Variants in COL22A1 observed in about 807,000 individuals in gnomAD.
The protein encoded by COL22A1 is collagen alpha-1(XXII) chain.
COL22A1 carries 221 observed loss-of-function variants against 248.9 expected under a neutral mutation model. The ratio of observed to expected loss-of-function variants is 0.89; its 90% CI spans 0.80 to 0.99. The LOEUF (loss-of-function observed/expected upper bound fraction) is 0.99. Ranked by LOEUF, COL22A1 falls within the 50% of genes least tolerant of loss-of-function variation. The pLI is 0.00. For synonymous variants in COL22A1, 891 were observed against 793.4 expected, an observed-to-expected ratio of 1.12 and a Z score of -2.07; for missense variants, 2,240 against 2,179.0, an observed-to-expected ratio of 1.03 and a Z score of -0.56.
chr8:138,802,772 G>A, intron 11 of COL22A1, 100 bp downstream of exon 11: 3 of 905,864 alleles, frequency 3.3e-6, no homozygotes, highest in Non-Finnish European at 5.6e-6. Context: ...CCCCTGCCAG[G>A]TATTCAGCCC....
chr8:138,614,233 CTCTT>C (rs1819130604), intron 55 of COL22A1, among the ~76,000 whole-genome samples: 1 of 152,294 alleles, frequency 6.6e-6, no homozygotes, highest in Admixed American at 6.5e-5. Flanking sequence ...GAGAGAATCT[CTCTT>C]GAAGTTCTTT....
intron 16 of COL22A1, among the ~76,000 whole-genome samples, chr8:138,767,668 A>G (rs1351673377): frequency 1.3e-5 from 2 of 152,144 alleles, no homozygotes; most frequent in Non-Finnish European, 2.9e-5. Context: ...TATTGTTCCC[A>G]TTTTCACGGC....
At chr8:138,859,666 C>A (rs909595303) in intron 3 of COL22A1, among the ~76,000 whole-genome samples, 3 of 152,132 alleles carry the variant, frequency 2.0e-5, no homozygotes, top group African/African-American at 7.2e-5. Flanking sequence ...CGCCACCCCC[C>A]CACACACTTA....
Position 138,704,625 on chromosome 8 carries a change from T to A in COL22A1, c.2518-1278A>T, listed in dbSNP as rs533951782. On this transcript the variant is annotated intron_variant, in intron 30 of 64. Coordinates refer to ENST00000303045, the MANE Select transcript of COL22A1 (RefSeq NM_152888.3). ...CATCCACACCAACCCCATCTGTACA[T>A]CACCATCATCAAAGACCAAAGGTAG... is the stretch of plus-strand genomic sequence containing the variant. 1.3e-3 allele frequency among the ~76,000 whole-genome samples: 204 copies of A among 152,118 alleles called. 2 individuals carry two copies. The highest frequency in any genetic ancestry group is 4.8e-3 in the African/African-American group (198 of 41,532).
At chr8:138,659,886 C>T (rs1396249400) in intron 44 of COL22A1, among the ~76,000 whole-genome samples, 3 of 152,196 alleles carry the variant, frequency 2.0e-5, no homozygotes, top group African/African-American at 7.2e-5. Context: ...CCATGTTAAA[C>T]AGATGGCAAC....
At chr8:138,609,914 C>G (rs1055748678) in intron 56 of COL22A1, among the ~76,000 whole-genome samples, 8 of 152,184 alleles carry the variant, frequency 5.3e-5, no homozygotes, top group African/African-American at 1.9e-4. Context: ...CTCGCCAAGC[C>G]CCTTGGATCT....
rs556718826 is a variant in COL22A1, at chr8:138,783,256, G to A, written c.1597-2276C>T. Among the ~76,000 whole-genome samples, 7 of 152,122 alleles carry A rather than the reference G, an allele frequency of 4.6e-5. No individual in the cohort carries two copies. In the East Asian group the frequency reaches 7.7e-4, roughly 17 times the overall value. On this transcript the variant is annotated intron_variant, in intron 12 of 64. Coordinates refer to ENST00000303045, the MANE Select transcript of COL22A1 (RefSeq NM_152888.3). ...TTTTCTATAAAATGGGGACAATCACGGTGTATTAGGGTTTTCTAGAGGGAC... is the reference window on the plus strand; with the variant it reads ...TTTTCTATAAAATGGGGACAATCACAGTGTATTAGGGTTTTCTAGAGGGAC...
In COL22A1 at chr8:138,877,807, A is replaced by G; in HGVS notation, c.601T>C (p.Ser201Pro). ...ATCTTGTCGATGGCATTGAAGTCGG[A>G]CACGTGGAAGACGTGGGCGGACTTG... ...EPKSAHVFHV[S>P]DFNAIDKIRG... The change falls in exon 3 of 65, where the codon TCC becomes CCC. Residue 201 changes from serine to proline, a missense_variant. Transcript: ENST00000303045. The G allele has an allele frequency of 1.2e-6, 2 of 1,610,894 alleles. No individual in the cohort carries two copies. Among genetic ancestry groups the G allele is most frequent in the African/African-American group, 1.3e-5 (1 of 74,926 alleles).
At chr8:138,590,040 A>G (rs1816903839) in intron 64 of COL22A1, among the ~76,000 whole-genome samples, 1 of 152,072 alleles carries the variant, frequency 6.6e-6, no homozygotes, top group South Asian at 2.1e-4. Flanking sequence ...AAAATAGTCC[A>G]AAATTGAGAC....
At chr8:138,750,980 A>T (rs77031409) in intron 22 of COL22A1, among the ~76,000 whole-genome samples, 1,963 of 144,100 alleles carry the variant, frequency 0.014, 48 homozygotes, top group African/African-American at 0.047. Context: ...TGGTGTGCAC[A>T]ATCTAGATAG....
At chr8:138,664,439 G>C (rs916973943) in intron 41 of COL22A1, among the ~76,000 whole-genome samples, 2 of 152,076 alleles carry the variant, frequency 1.3e-5, no homozygotes, top group Admixed American at 6.5e-5. Flanking sequence ...GCTTTGCGAT[G>C]CTTGTGCATT....
chr8:138,688,789 T>C, intron 37 of COL22A1, 128 bp downstream of exon 37: 2 of 745,792 alleles, frequency 2.7e-6, no homozygotes, highest in Non-Finnish European at 4.8e-6. Context: ...TTCCTCTCCC[T>C]CCTACTTAGT....
chr8:138,891,814 C>A (rs1825092702), intron 1 of COL22A1, among the ~76,000 whole-genome samples: 1 of 152,178 alleles, frequency 6.6e-6, no homozygotes, highest in African/African-American at 2.4e-5. Context: ...ATGCGTCATC[C>A]AGTTTACAAG....
rs773285089 is a variant in COL22A1, at chr8:138,685,211, C to G, written c.2964G>C (p.Glu988Asp). Residue 988 changes from glutamate (E) to aspartate (D), a missense_variant, in exon 38 of 65, where the codon GAG becomes GAC. By Grantham distance (45) the Glu-to-Asp change is conservative. Transcript: ENST00000303045. ...PGPPGKGKDG[E>D]PGLRGSPGLP... Reference sequence around the variant, plus strand: ...GGACCCCCGACCTTCCACTTACCGGCTCTCCATCCTTCCCTTTTCCGGGTG... The same window carrying G: ...GGACCCCCGACCTTCCACTTACCGGGTCTCCATCCTTCCCTTTTCCGGGTG... The G allele has an allele frequency of 1.2e-6, 2 of 1,608,036 alleles. No individual in the cohort carries two copies. Among genetic ancestry groups the G allele is most frequent in the Admixed American group, 1.7e-5 (1 of 59,562 alleles).
chr8:138,888,332 T>C (rs1166779967), intron 1 of COL22A1, among the ~76,000 whole-genome samples: 1 of 152,084 alleles, frequency 6.6e-6, no homozygotes, highest in Non-Finnish European at 1.5e-5. Flanking sequence ...ACCTGACTAT[T>C]TCAGGGGAAG....
chr8:138,737,514 A>C lies in COL22A1; in HGVS notation c.2139+10T>G. On this transcript the variant is annotated intron_variant, in intron 23 of 64. Transcript: ENST00000303045. ...GCGTTGCTATGGAAGAGAATGTAAA[A>C]GGTAGTTACCTGCAGCCCCAGCAAT... The C allele has an allele frequency of 6.3e-7, 1 of 1,592,276 alleles. No individual in the cohort carries two copies. Among genetic ancestry groups the C allele is most frequent in the Non-Finnish European group, 8.6e-7 (1 of 1,160,216 alleles).
intron 6 of COL22A1, among the ~76,000 whole-genome samples, chr8:138,822,381 T>C (rs1819219008): frequency 6.6e-6 from 1 of 152,176 alleles, no homozygotes; most frequent in Non-Finnish European, 1.5e-5. Flanking sequence ...TAAATGATTA[T>C]GTTCTCATCC....
At chr8:138,751,431 A>G (rs1375439548) in intron 22 of COL22A1, 27 bp downstream of exon 22, 2 of 1,577,120 alleles carry the variant, frequency 1.3e-6, no homozygotes, top group African/African-American at 2.7e-5. Flanking sequence ...GAGCTGAGGA[A>G]TCACAAAGAA....
rs76234411 is a variant in COL22A1, at chr8:138,723,818, G to A, written c.2247+797C>T. ...CTGGGGAGGACGCTGGTGTTACCAC[G>A]ACCACAGGCCCCCTGGGCGCCTTGA... On this transcript the variant is annotated intron_variant, in intron 25 of 64. Coordinates refer to ENST00000303045, the MANE Select transcript of COL22A1 (RefSeq NM_152888.3). Among the ~76,000 whole-genome samples the A allele has an allele frequency of 1.2e-4, 19 of 152,314 alleles. No individual in the cohort carries two copies. The East Asian group carries it at 2.1e-3, about 17-fold the overall frequency.
Sources: allele counts gnomAD v4.1 joint callset (sites outside exome capture counted in the v4.1 genomes callset), GRCh38; gene constraint gnomAD v4.1.1; transcripts MANE v1.5; gene names NCBI Gene and HGNC (gene_info 2026-07-23, HGNC 2026-07-21).